Variants in MIOX observed in about 807,000 individuals in gnomAD.
MIOX encodes inositol oxygenase.
In MIOX, 51 loss-of-function variants were observed where a neutral mutation model predicts 42.7. The ratio of observed to expected loss-of-function variants is 1.19; its 90% CI spans 0.95 to 1.51. The LOEUF (loss-of-function observed/expected upper bound fraction) is 1.51. MIOX is among the 40% of genes most tolerant of loss of function. The pLI is 0.00. For missense variants in MIOX, 395 were observed against 381.3 expected (o/e 1.04, Z -0.30); for synonymous variants, 168 against 154.4 (o/e 1.09, Z -0.65).
rs1261042436 is a variant in MIOX, at chr22:50,487,710, A to G, written c.145A>G (p.Thr49Ala). The change falls in exon 3 of 10, where the codon ACG becomes GCG. Residue 49 changes from threonine (T) to alanine (A), a missense_variant. By Grantham distance (58) the Thr-to-Ala change is moderately conservative (BLOSUM62 0). Transcript: ENST00000216075. Reference protein sequence around the residue: ...RVFTTYKLMHTHQTVDFVRSK... With the variant: ...RVFTTYKLMHAHQTVDFVRSK... ...CTTCACCACCTACAAGCTCATGCACACGCACCAGACAGTGGACTTCGTCAG... is the reference window on the plus strand; with the variant it reads ...CTTCACCACCTACAAGCTCATGCACGCGCACCAGACAGTGGACTTCGTCAG... The G allele has an allele frequency of 6.2e-6, 10 of 1,613,700 alleles. No homozygotes were observed. The highest frequency in any genetic ancestry group is 1.7e-5 in the Admixed American group (1 of 59,990).
chr22:50,489,431 C>T lies in MIOX; in HGVS notation c.621C>T (p.Phe207=), dbSNP rs555088706. 7 of 1,604,740 alleles carry T rather than the reference C, an allele frequency of 4.4e-6. No individual in the cohort carries two copies. In the East Asian group the frequency reaches 1.1e-4, roughly 26 times the overall value. The change falls in exon 8 of 10, where the codon TTC becomes TTT. Residue 207 remains phenylalanine, a synonymous_variant. Transcript: ENST00000216075. ...ACCAGGTGATGAAGTTTAACAAGTT[C>T]TCACTGCCCCCTGAGGTAGGTGGGG... The part of the protein sequence containing the change: ...YMYQVMKFNK[F]SLPPEAFYMI...
At position 50,489,608 on chromosome 22, in the gene MIOX, A is replaced by G. The variant is rs1410525034; in HGVS notation, c.713A>G (p.Gln238Arg). 6.2e-7 allele frequency: 1 copy of G among 1,608,838 alleles called. No individual in the cohort carries two copies. The highest frequency in any genetic ancestry group is 8.5e-7 in the Non-Finnish European group (1 of 1,178,186). The change falls in exon 9 of 10, where the codon CAG becomes CGG. Residue 238 changes from glutamine (Q) to arginine (R), a missense_variant. Transcript: ENST00000216075. ...GRDYQQLCSQ[Q>R]DLAMLPWVRE... ...GACTACCAGCAGCTGTGCAGCCAGC[A>G]GGACCTGGCCATGCTGCCCTGGGTG...
Position 50,489,992 on chromosome 22 carries a change from C to T in MIOX, c.*136C>T. On this transcript the variant is annotated 3_prime_UTR_variant, in exon 10 of 10. Coordinates refer to ENST00000216075, the MANE Select transcript of MIOX (RefSeq NM_017584.6). ...CCACTCACCCCCTTAGGGTCGCCAC[C>T]CCTCACGGCAACTTGTGCCTGGCGT... The T allele has an allele frequency of 1.4e-6, 1 of 708,172 alleles. No individual in the cohort carries two copies. The highest frequency in any genetic ancestry group is 2.4e-6 in the Non-Finnish European group (1 of 420,334). 43.9% of individuals were successfully genotyped at this position (708,172 alleles called of 1,614,324 possible).
At chr22:50,489,709 G>C (rs749220431) in intron 9 of MIOX, 39 bp from the exon 10 acceptor site, 3 of 1,608,888 alleles carry the variant, frequency 1.9e-6, no homozygotes, top group South Asian at 2.2e-5. Context: ...GGGGGGCCTG[G>C]GGGTTCTTCA....
At position 50,487,944 on chromosome 22, in the gene MIOX, T is replaced by C; in HGVS notation, c.236T>C (p.Leu79Pro). Residue 79 changes from leucine (L) to proline (P), a missense_variant, in exon 4 of 10, where the codon CTG (leucine) becomes CCG (proline). By Grantham distance (98) the Leu-to-Pro change is moderately conservative (BLOSUM62 -3). Coordinates refer to ENST00000216075, the MANE Select transcript of MIOX (RefSeq NM_017584.6). ...ATGACAGTCATGGAGGCCGTGGACC[T>C]GCTGGATGGGCTGGTGGATGAGTCG... ...KKMTVMEAVD[L>P]LDGLVDESDP... 6.2e-7 allele frequency: 1 copy of C among 1,614,020 alleles called. No homozygotes were observed. Among genetic ancestry groups the C allele is most frequent in the Non-Finnish European group, 8.5e-7 (1 of 1,179,930 alleles).
At chr22:50,488,151 C>T in intron 4 of MIOX, 103 bp downstream of exon 4, 1 of 1,582,534 alleles carries the variant, frequency 6.3e-7, no homozygotes, top group South Asian at 1.1e-5. Flanking sequence ...AGGCCTCCTC[C>T]AGCAGCCCTG....
Position 50,487,984 on chromosome 22 carries a change from T to A in MIOX, c.276T>A (p.Asp92Glu), listed in dbSNP as rs754202004. 4 of 1,613,844 alleles carry A rather than the reference T, an allele frequency of 2.5e-6. No homozygotes were observed. In the Admixed American group the frequency reaches 5.0e-5, roughly 20 times the overall value. The part of the protein sequence containing the change: ...GLVDESDPDV[D>E]FPNSFHAFQT... ...TGGATGAGTCGGACCCGGACGTAGA[T>A]TTCCCCAACTCCTTCCATGCCTTCC... The change falls in exon 4 of 10, where the codon GAT becomes GAA. Residue 92 changes from aspartate (D) to glutamate (E), a missense_variant. Physicochemically the swap from Asp to Glu is conservative, Grantham distance 45. Coordinates refer to ENST00000216075, the MANE Select transcript of MIOX (RefSeq NM_017584.6).
chr22:50,488,828 C>T (rs1286498385), intron 5 of MIOX, among the ~76,000 whole-genome samples: 3 of 90,414 alleles, frequency 3.3e-5, no homozygotes, highest in Non-Finnish European at 4.9e-5. Context: ...CCTCCTGTCC[C>T]TCTGCAGTGG....
rs1326933918 is a variant in MIOX at position 50,490,284 on chromosome 22, A to G, written c.*428A>G. On this transcript the variant is annotated 3_prime_UTR_variant, in exon 10 of 10. Transcript: ENST00000216075. Reference sequence around the variant, plus strand: ...TCTGGGCTCCGTCCCCTTAAAAAATACCCCAATAGCTAAAATAATACATTC... The same window carrying G: ...TCTGGGCTCCGTCCCCTTAAAAAATGCCCCAATAGCTAAAATAATACATTC... 2 of 203,226 alleles carry G rather than the reference A, an allele frequency of 9.8e-6. No individual in the cohort carries two copies. Among genetic ancestry groups the G allele is most frequent in the Non-Finnish European group, 2.0e-5 (2 of 98,102 alleles). The allele number at this position is 203,226 out of a possible 1,614,324, so 12.6% of individuals were successfully genotyped here. A position where few individuals can be genotyped will look rare whatever the true frequency, so the allele number is the denominator to read the frequency against.
At chr22:50,489,344 T>A (rs1046407475) in intron 7 of MIOX, 49 bp downstream of exon 7, 1 of 103,320 alleles carries the variant, frequency 9.7e-6, no homozygotes. Context: ...TGGGGGACGG[T>A]GGGGGGCGGT....
Position 50,489,552 on chromosome 22 carries a change from C to G in MIOX, c.657C>G (p.Phe219Leu). 6.2e-7 allele frequency: 1 copy of G among 1,612,766 alleles called. No homozygotes were observed. The highest frequency in any genetic ancestry group is 1.1e-5 in the South Asian group (1 of 91,082). Residue 219 changes from phenylalanine (F) to leucine (L), a missense_variant, in exon 9 of 10, where the codon TTC becomes TTG. Transcript: ENST00000216075. Reference protein sequence around the residue: ...LPPEAFYMIRFHSFYPWHTGR... With the variant: ...LPPEAFYMIRLHSFYPWHTGR... ...CGCAGGCTTTCTACATGATCCGGTT[C>G]CACTCCTTCTACCCCTGGCACACGG...
chr22:50,489,455 G>T lies in MIOX; in HGVS notation c.636+9G>T, dbSNP rs538158369. The stretch of plus-strand genomic sequence containing the variant: ...TCTCACTGCCCCCTGAGGTAGGTGG[G>T]GGGAGGGGCAACGCAGCCCGTCCAC... On this transcript the variant is annotated intron_variant, in intron 8 of 9. Coordinates refer to ENST00000216075, the MANE Select transcript of MIOX (RefSeq NM_017584.6). 6.2e-7 allele frequency: 1 copy of T among 1,608,264 alleles called. No homozygotes were observed. Among genetic ancestry groups the T allele is most frequent in the East Asian group, 2.2e-5 (1 of 44,768 alleles).
In MIOX at chr22:50,489,514, G is replaced by C. The variant is rs1311966772; in HGVS notation, c.637-18G>C. The C allele has an allele frequency of 5.6e-6, 9 of 1,612,214 alleles. No homozygotes were observed. The highest frequency in any genetic ancestry group is 7.6e-6 in the Non-Finnish European group (9 of 1,179,710). On this transcript the variant is annotated intron_variant, in intron 8 of 9. Transcript: ENST00000216075. The stretch of plus-strand genomic sequence containing the variant: ...GTCCTGCAGCCCCAAGTGAGCCGCT[G>C]GGTGGCCTTGCCCGCAGGCTTTCTA...
rs906743369 is a variant in MIOX at position 50,486,927 on chromosome 22, C to A, written c.15+15C>A. ...AGGTGACGGTGGTGAGTACCCAGACCCCATGCAGAGAGGCTCTGCTGACTG... is the reference window on the plus strand; with the variant it reads ...AGGTGACGGTGGTGAGTACCCAGACACCATGCAGAGAGGCTCTGCTGACTG... On this transcript the variant is annotated intron_variant, in intron 1 of 9. Transcript: ENST00000216075. The A allele has an allele frequency of 6.2e-7, 1 of 1,613,656 alleles. No homozygotes were observed. The highest frequency in any genetic ancestry group is 1.3e-5 in the African/African-American group (1 of 75,032).
chr22:50,488,266 C>T lies in MIOX; in HGVS notation c.341-9C>T. On this transcript the variant is annotated splice_polypyrimidine_tract_variant and intron_variant, in intron 4 of 9. Coordinates refer to ENST00000216075, the MANE Select transcript of MIOX (RefSeq NM_017584.6). ...AGTCCCCAACCTGCCCTGTCCATCC[C>T]CCTCCCAGACTGGTTCCACCTCGTC... 6.2e-7 allele frequency: 1 copy of T among 1,613,648 alleles called. No individual in the cohort carries two copies. The highest frequency in any genetic ancestry group is 8.5e-7 in the Non-Finnish European group (1 of 1,179,796).
chr22:50,488,910 G>A, intron 5 of MIOX, 130 bp from the exon 6 acceptor site: 2 of 643,036 alleles, frequency 3.1e-6, no homozygotes, highest in East Asian at 3.0e-5. Context: ...GCAGTGGGCA[G>A]TCATCGGTGA....
rs199992260 is a variant in MIOX, at chr22:50,489,116, A to T, written c.485A>T (p.Gln162Leu). ...ASVVFCDSTF[Q>L]DNPDLQDPRY... ...GTGGTTTTCTGCGACTCCACCTTCC[A>T]GGACAACCCTGACCTCCAGGATCCT... The change falls in exon 6 of 10, where the codon CAG becomes CTG. Residue 162 changes from glutamine (Q) to leucine (L), a missense_variant. Coordinates refer to ENST00000216075, the MANE Select transcript of MIOX (RefSeq NM_017584.6). 4 of 1,613,124 alleles carry T rather than the reference A, an allele frequency of 2.5e-6. No individual in the cohort carries two copies. In the African/African-American group the frequency reaches 4.0e-5, roughly 16 times the overall value.
chr22:50,488,950 C>T (rs1277435498), intron 5 of MIOX, 90 bp from the exon 6 acceptor site: 38 of 897,084 alleles, frequency 4.2e-5, no homozygotes, highest in African/African-American at 1.5e-4. Context: ...CATGGCCGCC[C>T]GTCCCTCCTG....
In MIOX at chr22:50,487,670, C is replaced by T. The variant is rs773311039; in HGVS notation, c.105C>T (p.Pro35=). The T allele has an allele frequency of 8.7e-6, 14 of 1,613,084 alleles. No homozygotes were observed. Among genetic ancestry groups the T allele is most frequent in the Middle Eastern group, 1.6e-4 (1 of 6,076 alleles). The change falls in exon 3 of 10, where the codon CCC becomes CCT. Residue 35 remains proline, a synonymous_variant. Coordinates refer to ENST00000216075, the MANE Select transcript of MIOX (RefSeq NM_017584.6). The part of the protein sequence containing the change: ...KASFRNYTSG[P]LLDRVFTTYK... Reference sequence around the variant, plus strand: ...GACCCTCCGGCCTGCAGTCAGGTCCCCTCCTGGACCGTGTCTTCACCACCT... The same window carrying T: ...GACCCTCCGGCCTGCAGTCAGGTCCTCTCCTGGACCGTGTCTTCACCACCT...
Sources: allele counts gnomAD v4.1 joint callset (sites outside exome capture counted in the v4.1 genomes callset), GRCh38; gene constraint gnomAD v4.1.1; transcripts MANE v1.5; gene names NCBI Gene and HGNC (gene_info 2026-07-23, HGNC 2026-07-21).